The following SPTLC3 variants were observed in gnomAD, a reference collection of about 807,000 sequenced individuals.
SPTLC3 encodes the protein serine palmitoyltransferase long chain base subunit 3, also known as serine palmitoyltransferase 3.
SPTLC3 carries 36 observed loss-of-function variants against 59.3 expected under a neutral mutation model. The ratio of observed to expected loss-of-function variants is 0.61; its 90% CI spans 0.47 to 0.80. The LOEUF is 0.80. Ranked by LOEUF, SPTLC3 falls within the 30% of genes least tolerant of loss-of-function variation. SPTLC3 has a pLI of 0.00. For missense variants in SPTLC3, 625 were observed against 685.1 expected, an observed-to-expected ratio of 0.91 and a Z score of 0.98; for synonymous variants, 257 against 240.8, an observed-to-expected ratio of 1.07 and a Z score of -0.62.
intron 1 of SPTLC3, among the ~76,000 whole-genome samples, chr20:13,038,436 T>C (rs563094069): frequency 6.6e-6 from 1 of 152,170 alleles, no homozygotes; most frequent in Non-Finnish European, 1.5e-5. Context: ...TCTTAGAGTG[T>C]CCATTTCATC....
At chr20:13,029,515 T>G (rs557052486) in intron 1 of SPTLC3, among the ~76,000 whole-genome samples, 3 of 148,456 alleles carry the variant, frequency 2.0e-5, no homozygotes, top group African/African-American at 7.8e-5. Context: ...CTATATTATA[T>G]GGCACTTGAA....
intron 10 of SPTLC3, among the ~76,000 whole-genome samples, chr20:13,159,230 A>G (rs2122989055): frequency 6.6e-6 from 1 of 152,362 alleles, no homozygotes; most frequent in East Asian, 1.9e-4. Context: ...ACTCTGCATC[A>G]GACCGCTTTC....
In SPTLC3 at chr20:13,027,763, G is replaced by A. The variant is rs114904828; in HGVS notation, c.117+18379G>A. Among the ~76,000 whole-genome samples the A allele has an allele frequency of 7.1e-3, 1,081 of 151,990 alleles. 14 individuals are homozygous for A. The highest frequency in any genetic ancestry group is 0.024 in the African/African-American group (1,007 of 41,442). On this transcript the variant is annotated intron_variant, in intron 1 of 11. Transcript: ENST00000399002. ...TTACTAAAATTTTAAAAATCCATGCGATTCTAAAAGCCTCAAAGAATAATA... is the reference window on the plus strand; with the variant it reads ...TTACTAAAATTTTAAAAATCCATGCAATTCTAAAAGCCTCAAAGAATAATA...
chr20:13,091,268 T>G, intron 5 of SPTLC3, 61 bp downstream of exon 5: 2 of 1,579,472 alleles, frequency 1.3e-6, no homozygotes, highest in Non-Finnish European at 1.7e-6. Context: ...TAACTCTGAG[T>G]AGGTCCTTGT....
intron 9 of SPTLC3, among the ~76,000 whole-genome samples, chr20:13,149,043 A>T (rs1600387630): frequency 6.6e-6 from 1 of 152,326 alleles, no homozygotes; most frequent in East Asian, 1.9e-4. Flanking sequence ...TTTGATTCCC[A>T]TTCCACTTAA....
chr20:13,113,646 AC>A (rs888247228), intron 7 of SPTLC3, among the ~76,000 whole-genome samples: 1 of 152,188 alleles, frequency 6.6e-6, no homozygotes, highest in African/African-American at 2.4e-5. Context: ...TGGCATCACC[AC>A]CTACATCTGT....
intron 1 of SPTLC3, among the ~76,000 whole-genome samples, chr20:13,038,061 A>T (rs1345299051): frequency 7.9e-6 from 1 of 126,590 alleles, no homozygotes; most frequent in Non-Finnish European, 1.7e-5. Context: ...TATATATATA[A>T]TATATCTTCA....
At chr20:13,107,373 A>G (rs1308002850) in intron 6 of SPTLC3, among the ~76,000 whole-genome samples, 1 of 152,232 alleles carries the variant, frequency 6.6e-6, no homozygotes, top group Non-Finnish European at 1.5e-5. Context: ...TACTAGAAAT[A>G]GTGGGAAAAG....
In SPTLC3 at chr20:13,051,267, A is replaced by G. The variant is rs1987478440; in HGVS notation, c.303+2137A>G. 2.6e-5 allele frequency among the ~76,000 whole-genome samples: 4 copies of G among 152,376 alleles called. No homozygotes were observed. The South Asian group carries it at 8.3e-4, about 32-fold the overall frequency. On this transcript the variant is annotated intron_variant, in intron 2 of 11. Transcript: ENST00000399002. ...GGAAAGAGGCATTTCATGCAAATAG[A>G]CACCAAAAGATAGCAGGGGTAGCTA... is the stretch of plus-strand genomic sequence containing the variant.
intron 2 of SPTLC3, among the ~76,000 whole-genome samples, chr20:13,068,703 C>G (rs999554374): frequency 9.2e-5 from 14 of 151,530 alleles, no homozygotes; most frequent in African/African-American, 3.4e-4. Flanking sequence ...TGTATCAGAT[C>G]TGGGTTAATG....
intron 3 of SPTLC3, chr20:13,074,065 G>A (rs1988549900): frequency 3.1e-6 from 2 of 651,450 alleles, no homozygotes; most frequent in South Asian, 2.8e-5. Context: ...GAGGCCTGCT[G>A]TGGGCTGGAA....
rs1245600409 is a variant in SPTLC3, at chr20:13,165,383, C to T, written c.*516C>T. On this transcript the variant is annotated 3_prime_UTR_variant, in exon 12 of 12. Transcript: ENST00000399002. ...GCAGGAGGGTAAAGAAATGTTGTTT[C>T]TACCATTTGTCACATTTGGACGTTT... 6.5e-6 allele frequency: 1 copy of T among 152,682 alleles called. No homozygotes were observed. The highest frequency in any genetic ancestry group is 1.9e-4 in the East Asian group (1 of 5,192). 9.5% of individuals were successfully genotyped at this position (152,682 alleles called of 1,614,324 possible). A position where few individuals can be genotyped will look rare whatever the true frequency, so the allele number is the denominator to read the frequency against.
chr20:13,088,823 GTTT>G (rs1989100552), intron 4 of SPTLC3, among the ~76,000 whole-genome samples: 1 of 140,286 alleles, frequency 7.1e-6, no homozygotes, highest in African/African-American at 2.7e-5. Context: ...TAGAGATGAG[GTTT>G]CCCCATGTTG....
At chr20:13,066,013 C>T in intron 2 of SPTLC3, among the ~76,000 whole-genome samples, 1 of 152,086 alleles carries the variant, frequency 6.6e-6, no homozygotes, top group South Asian at 2.1e-4. Flanking sequence ...GTCTCCACAA[C>T]TTATGCGTAC....
chr20:13,053,696 T>A (rs561470018), intron 2 of SPTLC3, among the ~76,000 whole-genome samples: 1 of 152,116 alleles, frequency 6.6e-6, no homozygotes, highest in Admixed American at 6.5e-5. Flanking sequence ...AGAACATAAA[T>A]GACCTGATGG....
At chr20:13,147,849 T>A (rs2038551169) in intron 9 of SPTLC3, among the ~76,000 whole-genome samples, 1 of 152,214 alleles carries the variant, frequency 6.6e-6, no homozygotes, top group Non-Finnish European at 1.5e-5. Flanking sequence ...TGAACATATA[T>A]TTTCAAGCCT....
intron 1 of SPTLC3, among the ~76,000 whole-genome samples, chr20:13,042,625 T>C (rs1467068967): frequency 3.9e-5 from 6 of 152,294 alleles, no homozygotes; most frequent in Admixed American, 1.3e-4. Flanking sequence ...TAAGAAATGA[T>C]GGTAGCTTGC....
chr20:13,135,326 T>G (rs1407980571), intron 9 of SPTLC3, among the ~76,000 whole-genome samples: 1 of 152,152 alleles, frequency 6.6e-6, no homozygotes, highest in East Asian at 1.9e-4. Context: ...GAATGGTCTC[T>G]CCTATAATTA....
At chr20:13,081,055 G>A (rs1028270520) in intron 4 of SPTLC3, among the ~76,000 whole-genome samples, 10 of 152,268 alleles carry the variant, frequency 6.6e-5, no homozygotes, top group African/African-American at 1.9e-4. Flanking sequence ...TCGACCTAAA[G>A]AAAGAAACTG....
Sources: gnomAD v4.1 joint callset for allele counts (sites outside exome capture counted in the v4.1 genomes callset) on GRCh38, gnomAD v4.1.1 for gene constraint, MANE v1.5 for transcripts, NCBI Gene and HGNC (gene_info 2026-07-23, HGNC 2026-07-21) for gene names.